The following ROBO2 variants were observed in gnomAD, a reference collection of about 807,000 sequenced individuals.
The protein encoded by ROBO2 is roundabout homolog 2.
A neutral mutation model predicts 160.8 loss-of-function variants in ROBO2; 53 were observed. The ratio of observed to expected loss-of-function variants is 0.33; its 90% CI spans 0.26 to 0.41. The LOEUF (loss-of-function observed/expected upper bound fraction) is 0.41. ROBO2 is among the 10% of genes least tolerant of loss of function. The pLI, the probability that ROBO2 is intolerant of heterozygous loss-of-function variation, is 1.00. For synonymous variants in ROBO2, 664 were observed against 611.7 expected (o/e 1.09, Z -1.26); for missense variants, 1,577 against 1,722.4 (o/e 0.92, Z 1.49).
At chr3:77,318,451 T>G (rs1251431962) in intron 2 of ROBO2, among the ~76,000 whole-genome samples, 1 of 152,262 alleles carries the variant, frequency 6.6e-6, no homozygotes, top group Non-Finnish European at 1.5e-5. Context: ...GGAACTGTTT[T>G]ACCATTACAG....
At chr3:76,659,552 G>C (rs2091731047) in intron 2 of ROBO2, among the ~76,000 whole-genome samples, 1 of 152,044 alleles carries the variant, frequency 6.6e-6, no homozygotes, top group Non-Finnish European at 1.5e-5. Flanking sequence ...AATGGGCTGT[G>C]CCTTCTCTTT....
At chr3:77,410,660 T>TTCCTCCTCCTCCTCC (rs1217495809) in intron 2 of ROBO2, among the ~76,000 whole-genome samples, 1 of 59,838 alleles carries the variant, frequency 1.7e-5, no homozygotes, top group Non-Finnish European at 3.1e-5. Context: ...CCTCCTCTTC[T>TTCCTCCTCCTCCTCC]TCCTCCTCCT....
At chr3:77,481,321 C>T (rs1582328101) in intron 4 of ROBO2, 102 bp downstream of exon 4, 4 of 873,948 alleles carry the variant, frequency 4.6e-6, no homozygotes, top group Non-Finnish European at 6.3e-6. Context: ...GACAGTTACT[C>T]ATGACTCATG....
chr3:76,643,002 T>C (rs1186407484), intron 2 of ROBO2, among the ~76,000 whole-genome samples: 2 of 152,196 alleles, frequency 1.3e-5, no homozygotes, highest in Non-Finnish European at 2.9e-5. Flanking sequence ...TTTTATTACA[T>C]GCAAAGAAGG....
chr3:76,298,133 AC>A (rs1709175816), intron 2 of ROBO2, among the ~76,000 whole-genome samples: 1 of 152,204 alleles, frequency 6.6e-6, no homozygotes, highest in South Asian at 2.1e-4. Flanking sequence ...TCATAGAGGA[AC>A]AAAAAGCTGG....
chr3:76,023,481 A>C (rs1203390651), intron 2 of ROBO2, among the ~76,000 whole-genome samples: 1 of 151,586 alleles, frequency 6.6e-6, no homozygotes, highest in Non-Finnish European at 1.5e-5. Flanking sequence ...GTTGTGTCTC[A>C]GCGAATAGTG....
intron 2 of ROBO2, among the ~76,000 whole-genome samples, chr3:76,603,649 A>C (rs1050501893): frequency 5.3e-5 from 8 of 151,786 alleles, no homozygotes; most frequent in Admixed American, 4.6e-4. Context: ...CTGCATATAC[A>C]TGCTCTTGTT....
At chr3:77,071,959 G>A (rs147537329) in intron 1 of ROBO2, among the ~76,000 whole-genome samples, 3 of 152,026 alleles carry the variant, frequency 2.0e-5, no homozygotes, top group East Asian at 1.9e-4. Context: ...GACCAGTACC[G>A]CTCGTGACTT....
chr3:76,582,443 T>C (rs1157340786), intron 2 of ROBO2, among the ~76,000 whole-genome samples: 1 of 152,184 alleles, frequency 6.6e-6, no homozygotes, highest in East Asian at 1.9e-4. Context: ...TCATGCAATG[T>C]ATTTTTTAAT....
intron 2 of ROBO2, among the ~76,000 whole-genome samples, chr3:76,069,429 CA>C (rs1225159419): frequency 6.6e-6 from 1 of 152,082 alleles, no homozygotes; most frequent in East Asian, 1.9e-4. Context: ...ACTGACACTA[CA>C]CTGGTATAAT....
chr3:76,395,770 A>G (rs1172725720), intron 2 of ROBO2, among the ~76,000 whole-genome samples: 3 of 152,222 alleles, frequency 2.0e-5, no homozygotes, highest in Non-Finnish European at 2.9e-5. Context: ...AGACTAAACC[A>G]GGAAGAAGTT....
At chr3:76,968,616 A>G (rs2059422634) in intron 2 of ROBO2, among the ~76,000 whole-genome samples, 1 of 152,122 alleles carries the variant, frequency 6.6e-6, no homozygotes, top group African/African-American at 2.4e-5. Context: ...GGTGTCCTAC[A>G]ATTTTTTATT....
intron 2 of ROBO2, among the ~76,000 whole-genome samples, chr3:77,237,458 TCTCA>T (rs1243098591): frequency 2.2e-5 from 3 of 134,688 alleles, no homozygotes; most frequent in Non-Finnish European, 5.0e-5. Context: ...GGTGATAAGG[TCTCA>T]CTATCTTGCC....
At chr3:77,298,593 G>A (rs1377875713) in intron 2 of ROBO2, among the ~76,000 whole-genome samples, 1 of 152,168 alleles carries the variant, frequency 6.6e-6, no homozygotes, top group East Asian at 1.9e-4. Flanking sequence ...CACCATTAAG[G>A]GTTATTTGTT....
chr3:75,912,156 C>T (rs1946624292), intron 1 of ROBO2, among the ~76,000 whole-genome samples: 1 of 152,022 alleles, frequency 6.6e-6, no homozygotes, highest in South Asian at 2.1e-4. Flanking sequence ...ATTTTTATAA[C>T]TTTTGCTGTA....
At chr3:76,070,801 C>T (rs2068429845) in intron 2 of ROBO2, among the ~76,000 whole-genome samples, 1 of 152,034 alleles carries the variant, frequency 6.6e-6, no homozygotes, top group African/African-American at 2.4e-5. Context: ...CTCAAGCCGG[C>T]CGGCACTTAG....
chr3:76,642,541 G>A (rs2090746822), intron 2 of ROBO2, among the ~76,000 whole-genome samples: 1 of 151,566 alleles, frequency 6.6e-6, no homozygotes, highest in South Asian at 2.1e-4. Flanking sequence ...TAGTAGACAC[G>A]GGGTTTCTGC....
intron 2 of ROBO2, among the ~76,000 whole-genome samples, chr3:77,148,496 C>T (rs1190992296): frequency 2.0e-5 from 3 of 152,182 alleles, no homozygotes; most frequent in Non-Finnish European, 4.4e-5. Context: ...TCGTATTTCT[C>T]ATATAAAGTT....
At chr3:77,377,353 A>G (rs2072829919) in intron 2 of ROBO2, among the ~76,000 whole-genome samples, 1 of 152,220 alleles carries the variant, frequency 6.6e-6, no homozygotes, top group South Asian at 2.1e-4. Flanking sequence ...AAATACACCA[A>G]CAAATTCATA....
Sources: gnomAD v4.1 joint callset for allele counts (sites outside exome capture counted in the v4.1 genomes callset) on GRCh38, gnomAD v4.1.1 for gene constraint, MANE v1.5 for transcripts, NCBI Gene and HGNC (gene_info 2026-07-23, HGNC 2026-07-21) for gene names.